BRIP1: variants seen among roughly 807,000 people sequenced by gnomAD.
The protein encoded by BRIP1 is Fanconi anemia group J protein.
Under a neutral mutation model 119.7 loss-of-function variants are expected in BRIP1, and 88 were observed. The ratio of observed to expected loss-of-function variants is 0.74; its 90% CI spans 0.62 to 0.88. BRIP1 has a LOEUF of 0.88. Ranked by LOEUF, BRIP1 falls within the 40% of genes least tolerant of loss-of-function variation. The pLI, the probability that BRIP1 is intolerant of heterozygous loss-of-function variation, is 0.00. For synonymous variants in BRIP1, 443 were observed against 496.5 expected (o/e 0.89, Z 1.43); for missense variants, 1,259 against 1,455.4 (o/e 0.87, Z 2.20).
At position 61,722,765 on chromosome 17, in the gene BRIP1, C is replaced by T. The variant is rs1458749654; in HGVS notation, c.2380-6702G>A. Among the ~76,000 whole-genome samples the T allele has an allele frequency of 6.6e-6, 1 of 152,124 alleles. No homozygotes were observed. The highest frequency in any genetic ancestry group is 2.4e-5 in the African/African-American group (1 of 41,442). On this transcript the variant is annotated intron_variant, in intron 16 of 19. Transcript: ENST00000259008. The surrounding 1 kb of genome is among the most constrained non-coding windows in gnomAD (Gnocchi z 4.6). ...TATTAGATTAAATAAAATTATGACT[C>T]CTTGGTCTTCTATTTTTCATTAACA...
At position 61,832,836 on chromosome 17, in the gene BRIP1, A is replaced by G. The variant is rs1475513154; in HGVS notation, c.627+14265T>C. Among the ~76,000 whole-genome samples, 2 of 152,210 alleles carry G rather than the reference A, an allele frequency of 1.3e-5. No individual in the cohort carries two copies. Among genetic ancestry groups the G allele is most frequent in the African/African-American group, 4.8e-5 (2 of 41,444 alleles). On this transcript the variant is annotated intron_variant, in intron 6 of 19. Coordinates refer to ENST00000259008, the MANE Select transcript of BRIP1 (RefSeq NM_032043.3). This position sits in a 1 kb window ranked among gnomAD's most constrained non-coding sequence, Gnocchi z 5.5. The stretch of plus-strand genomic sequence containing the variant: ...ACAATGAATCAATTTTAACTTCCTG[A>G]TTCTTATGGTTATATTGTGATTATG...
rs1251501814 is a variant in BRIP1 at position 61,717,316 on chromosome 17, T to G, written c.2380-1253A>C. ...AAATATACCGTATTTACCCACAGAT[T>G]TACCATTTCTGGCACTCTTCATTTT... On this transcript the variant is annotated intron_variant, in intron 16 of 19. Coordinates refer to ENST00000259008, the MANE Select transcript of BRIP1 (RefSeq NM_032043.3). The surrounding 1 kb of genome is among the most constrained non-coding windows in gnomAD (Gnocchi z 4.1). Among the ~76,000 whole-genome samples, 1 of 152,124 alleles carries G rather than the reference T, an allele frequency of 6.6e-6. No homozygotes were observed. Among genetic ancestry groups the G allele is most frequent in the Non-Finnish European group, 1.5e-5 (1 of 67,958 alleles).
At chr17:61,790,554 T>A (rs139569146) in intron 10 of BRIP1, among the ~76,000 whole-genome samples, 5,100 of 151,938 alleles carry the variant, frequency 0.034, 112 homozygotes, top group Non-Finnish European at 0.045. Flanking sequence ...CTCAAAAAAA[T>A]ATATATATAT....
Position 61,851,961 on chromosome 17 carries a change from A to C in BRIP1, c.380-2705T>G, listed in dbSNP as rs1026851831. On this transcript the variant is annotated intron_variant, in intron 4 of 19. Transcript: ENST00000259008. This position sits in a 1 kb window ranked among gnomAD's most constrained non-coding sequence, Gnocchi z 4.6. ...AGAGGTGGAAATACTACTAGCATCC[A>C]GTGCATAAAGGCCAGAAGTATTGCT... Among the ~76,000 whole-genome samples, 9 of 152,242 alleles carry C rather than the reference A, an allele frequency of 5.9e-5. No homozygotes were observed. Among genetic ancestry groups the C allele is most frequent in the Non-Finnish European group, 1.3e-4 (9 of 68,052 alleles).
intron 17 of BRIP1, among the ~76,000 whole-genome samples, chr17:61,698,649 G>A (rs2061563330): frequency 6.6e-6 from 1 of 151,930 alleles, no homozygotes; most frequent in African/African-American, 2.4e-5. Context: ...ATGTGTTTTG[G>A]GGCCTTTTTG....
In BRIP1 at chr17:61,807,071, C is replaced by A. The variant is rs2145397663; in HGVS notation, c.918+1396G>T. ...AAAAGATAAAAATATGGTGACAATG[C>A]CAGCAAGTCTTCTTGCATAGGCTAT... On this transcript the variant is annotated intron_variant, in intron 7 of 19. Transcript: ENST00000259008. This position sits in a 1 kb window ranked among gnomAD's most constrained non-coding sequence, Gnocchi z 4.5. Among the ~76,000 whole-genome samples the A allele has an allele frequency of 6.6e-6, 1 of 152,230 alleles. No individual in the cohort carries two copies. The highest frequency in any genetic ancestry group is 1.5e-5 in the Non-Finnish European group (1 of 68,012).
chr17:61,754,160 T>A lies in BRIP1; in HGVS notation c.2098-9569A>T, dbSNP rs1567789656. On this transcript the variant is annotated intron_variant, in intron 14 of 19. Coordinates refer to ENST00000259008, the MANE Select transcript of BRIP1 (RefSeq NM_032043.3). The surrounding 1 kb of genome is among the most constrained non-coding windows in gnomAD (Gnocchi z 4.1). ...TTAAAACTAAGTTTAAACCCTCCAA[T>A]GGCTTCCTACTGCATTTAGAACAAA... Among the ~76,000 whole-genome samples the A allele has an allele frequency of 6.6e-6, 1 of 152,160 alleles. No individual in the cohort carries two copies. Among genetic ancestry groups the A allele is most frequent in the Non-Finnish European group, 1.5e-5 (1 of 68,024 alleles).
chr17:61,796,656 G>A lies in BRIP1; in HGVS notation c.1340+2444C>T, dbSNP rs564680280. Among the ~76,000 whole-genome samples the A allele has an allele frequency of 2.0e-5, 3 of 151,894 alleles. No homozygotes were observed. In the South Asian group the frequency reaches 6.2e-4, roughly 32 times the overall value. On this transcript the variant is annotated intron_variant, in intron 9 of 19. Transcript: ENST00000259008. The surrounding 1 kb of genome is among the most constrained non-coding windows in gnomAD (Gnocchi z 4.8). ...AGTACTGTGCTGTTTTGGTGGGAAGGTTTTAAATACAGAGTTTTAAATAAA... is the reference window on the plus strand; with the variant it reads ...AGTACTGTGCTGTTTTGGTGGGAAGATTTTAAATACAGAGTTTTAAATAAA...
chr17:61,690,046 T>C lies in BRIP1; in HGVS notation c.2575+3384A>G, dbSNP rs12451862. ...TTCTCAGGCGACATCTTGCATGCTG[T>C]AAGGAAGTGGGATGACATGTTTGAA... is the stretch of plus-strand genomic sequence containing the variant. On this transcript the variant is annotated intron_variant, in intron 18 of 19. Transcript: ENST00000259008. The surrounding 1 kb of genome is among the most constrained non-coding windows in gnomAD (Gnocchi z 5.6). 0.2 allele frequency among the ~76,000 whole-genome samples: 29,863 copies of C among 152,024 alleles called. 4,013 individuals are homozygous for C. Among genetic ancestry groups the C allele is most frequent in the Admixed American group, 0.41 (6,275 of 15,258 alleles).
intron 11 of BRIP1, among the ~76,000 whole-genome samples, chr17:61,782,190 T>G (rs893181194): frequency 6.6e-6 from 1 of 151,378 alleles, no homozygotes; most frequent in East Asian, 2.0e-4. Context: ...TCGAGACCAT[T>G]CTGGCTAACA....
In BRIP1 at chr17:61,848,581, T is replaced by C. The variant is rs2145755512; in HGVS notation, c.507+548A>G. ...AGCCTTCCTATCTCACTGCCATGAA[T>C]TCTGAGAAAATATTGTGTTCATCTG... is the stretch of plus-strand genomic sequence containing the variant. On this transcript the variant is annotated intron_variant, in intron 5 of 19. Coordinates refer to ENST00000259008, the MANE Select transcript of BRIP1 (RefSeq NM_032043.3). This position sits in a 1 kb window ranked among gnomAD's most constrained non-coding sequence, Gnocchi z 4.3. Among the ~76,000 whole-genome samples, 1 of 152,312 alleles carries C rather than the reference T, an allele frequency of 6.6e-6. No individual in the cohort carries two copies. The highest frequency in any genetic ancestry group is 1.9e-4 in the East Asian group (1 of 5,190).
rs1024584312 is a variant in BRIP1 at position 61,782,433 on chromosome 17, A to G, written c.1629-1428T>C. ...AAAAGAAAACATAGGGGAAATCTTC[A>G]TATCAGATTTGGCCATGATTTACTG... On this transcript the variant is annotated intron_variant, in intron 11 of 19. Coordinates refer to ENST00000259008, the MANE Select transcript of BRIP1 (RefSeq NM_032043.3). 3.3e-5 allele frequency among the ~76,000 whole-genome samples: 5 copies of G among 151,250 alleles called. No individual in the cohort carries two copies. In the South Asian group the frequency reaches 8.3e-4, roughly 25 times the overall value.
At position 61,753,770 on chromosome 17, in the gene BRIP1, A is replaced by AAACAAC. The variant is rs748700915; in HGVS notation, c.2098-9180_2098-9179insGTTGTT. Among the ~76,000 whole-genome samples the AAACAAC allele has an allele frequency of 1.8e-4, 27 of 150,152 alleles. No individual in the cohort carries two copies. Among genetic ancestry groups the AAACAAC allele is most frequent in the African/African-American group, 5.6e-4 (23 of 40,900 alleles). On this transcript the variant is annotated intron_variant, in intron 14 of 19. Transcript: ENST00000259008. This position sits in a 1 kb window ranked among gnomAD's most constrained non-coding sequence, Gnocchi z 4.6. Reference sequence around the variant, plus strand: ...GTATGCACTGCCATGTCTGGCTTGAAAAGAACAACAACAACAACAACAACA... The same window carrying AAACAAC: ...GTATGCACTGCCATGTCTGGCTTGAAAACAACAAGAACAACAACAACAACAACAACA...
chr17:61,745,663 G>A lies in BRIP1; in HGVS notation c.2098-1072C>T, dbSNP rs111858147. Among the ~76,000 whole-genome samples the A allele has an allele frequency of 2.7e-4, 41 of 152,114 alleles. No individual in the cohort carries two copies. The highest frequency in any genetic ancestry group is 9.9e-4 in the African/African-American group (41 of 41,396). On this transcript the variant is annotated intron_variant, in intron 14 of 19. Coordinates refer to ENST00000259008, the MANE Select transcript of BRIP1 (RefSeq NM_032043.3). The surrounding 1 kb of genome is among the most constrained non-coding windows in gnomAD (Gnocchi z 4.4). ...AAATTACAGGTGTGAACCAACACACGTGGCTGTAAAACTCATATTCTTAAA... is the reference window on the plus strand; with the variant it reads ...AAATTACAGGTGTGAACCAACACACATGGCTGTAAAACTCATATTCTTAAA...
rs2077129609 is a variant in BRIP1, at chr17:61,751,388, A to C, written c.2098-6797T>G. On this transcript the variant is annotated intron_variant, in intron 14 of 19. Transcript: ENST00000259008. This position sits in a 1 kb window ranked among gnomAD's most constrained non-coding sequence, Gnocchi z 6.7. Reference sequence around the variant, plus strand: ...CAGTTTCTGACTGGGATGATTGAAAAGTTTTGGAAAGGGATACTGGTGATG... The same window carrying C: ...CAGTTTCTGACTGGGATGATTGAAACGTTTTGGAAAGGGATACTGGTGATG... Among the ~76,000 whole-genome samples, 1 of 152,180 alleles carries C rather than the reference A, an allele frequency of 6.6e-6. No individual in the cohort carries two copies. Among genetic ancestry groups the C allele is most frequent in the African/African-American group, 2.4e-5 (1 of 41,442 alleles).
In BRIP1 at chr17:61,693,453, T is replaced by C. The variant is rs2061477443; in HGVS notation, c.2552A>G (p.Asn851Ser). The C allele has an allele frequency of 1.9e-6, 3 of 1,613,704 alleles. No homozygotes were observed. Among genetic ancestry groups the C allele is most frequent in the East Asian group, 2.2e-5 (1 of 44,842 alleles). Residue 851 changes from asparagine to serine, a missense_variant, in exon 18 of 20, where the codon AAT becomes AGT. Asn to Ser is a conservative substitution (Grantham distance 46). Coordinates refer to ENST00000259008, the MANE Select transcript of BRIP1 (RefSeq NM_032043.3). This position sits in a 1 kb window ranked among gnomAD's most constrained non-coding sequence, Gnocchi z 4.2. ...ACCAGATATATAGCGACTTGGGTTA[T>C]TCCTAAAGCGATCATCCACTAGAAT... The part of the protein sequence containing the change: ...ALILVDDRFR[N>S]NPSRYISGLS...
chr17:61,697,574 T>G (rs77322415), intron 17 of BRIP1, among the ~76,000 whole-genome samples: 139 of 152,158 alleles, frequency 9.1e-4, no homozygotes, highest in Non-Finnish European at 1.4e-3. Context: ...TGGTCAGTCT[T>G]GGTACAGGTC....
In BRIP1 at chr17:61,810,078, T is replaced by A. The variant is rs1470452360; in HGVS notation, c.628-1321A>T. ...GTTCACTGATGTGCCAAATAAACAG[T>A]CAGTCAAAGCAGATAAAGTTACAGC... On this transcript the variant is annotated intron_variant, in intron 6 of 19. Coordinates refer to ENST00000259008, the MANE Select transcript of BRIP1 (RefSeq NM_032043.3). This position sits in a 1 kb window ranked among gnomAD's most constrained non-coding sequence, Gnocchi z 4.7. Among the ~76,000 whole-genome samples the A allele has an allele frequency of 1.3e-5, 2 of 152,154 alleles. No homozygotes were observed. Among genetic ancestry groups the A allele is most frequent in the Non-Finnish European group, 2.9e-5 (2 of 68,008 alleles).
At chr17:61,707,362 A>G (rs2061705850) in intron 17 of BRIP1, among the ~76,000 whole-genome samples, 1 of 152,134 alleles carries the variant, frequency 6.6e-6, no homozygotes, top group Non-Finnish European at 1.5e-5. Context: ...GAAAGGGCAC[A>G]GTGAAGTGCT....
Sources: allele counts gnomAD v4.1 joint callset (sites outside exome capture counted in the v4.1 genomes callset), GRCh38; gene constraint gnomAD v4.1.1; non-coding constraint Gnocchi (gnomAD v3.1); transcripts MANE v1.5; gene names NCBI Gene and HGNC (gene_info 2026-07-23, HGNC 2026-07-21).